The following CCDC92 variants were observed in gnomAD, a reference collection of about 807,000 sequenced individuals.
The protein encoded by CCDC92 is coiled-coil domain containing 92, also known as coiled-coil domain-containing protein 92.
CCDC92 carries 12 observed loss-of-function variants against 24.9 expected under a neutral mutation model. That is an observed-to-expected ratio of 0.48 (90% CI 0.31 to 0.78). CCDC92 has a LOEUF of 0.78. CCDC92 is among the 30% of genes least tolerant of loss of function. The pLI is 0.05. For synonymous variants in CCDC92, 193 were observed against 196.3 expected (o/e 0.98, Z 0.14); for missense variants, 399 against 439.4 (o/e 0.91, Z 0.82).
intron 4 of CCDC92, among the ~76,000 whole-genome samples, chr12:123,941,309 G>A (rs1482353861): frequency 6.6e-6 from 1 of 152,204 alleles, no homozygotes; most frequent in African/African-American, 2.4e-5. Context: ...TCCACAGGGA[G>A]ACTTCTGAGG....
intron 1 of CCDC92, among the ~76,000 whole-genome samples, chr12:123,969,439 C>G (rs1956469859): frequency 1.4e-5 from 2 of 145,206 alleles, no homozygotes; most frequent in South Asian, 4.5e-4. Flanking sequence ...CAAGAATCAT[C>G]TCTTATATCA....
intron 1 of CCDC92, among the ~76,000 whole-genome samples, chr12:123,947,442 G>A (rs1280816707): frequency 6.6e-6 from 1 of 152,218 alleles, no homozygotes; most frequent in Non-Finnish European, 1.5e-5. Context: ...GTGGGGACGT[G>A]GGGAACCTTT....
chr12:123,937,237 T>C lies in CCDC92; in HGVS notation c.817A>G (p.Ser273Gly), dbSNP rs1377746932. 1 of 1,610,564 alleles carries C rather than the reference T, an allele frequency of 6.2e-7. No homozygotes were observed. Among genetic ancestry groups the C allele is most frequent in the Admixed American group, 1.7e-5 (1 of 60,016 alleles). Residue 273 changes from serine to glycine, a missense_variant, in exon 5 of 5, where the codon AGC (serine) becomes GGC (glycine). Physicochemically the swap from Ser to Gly is moderately conservative, Grantham distance 56 (BLOSUM62 0). Transcript: ENST00000238156. The surrounding 1 kb of genome is among the most constrained non-coding windows in gnomAD (Gnocchi z 8.4). ...LVIPPIASDR[S>G]GEQHSPAREK... ...CGGGCCGGGCTGTGCTGCTCGCCGC[T>C]TCGGTCGGAGGCGATGGGGGGGATG...
chr12:123,948,578 T>C (rs1462319295), intron 1 of CCDC92, among the ~76,000 whole-genome samples: 1 of 152,186 alleles, frequency 6.6e-6, no homozygotes, highest in Non-Finnish European at 1.5e-5. Flanking sequence ...GCCCTCACAG[T>C]GGGGGACAAG....
chr12:123,954,621 G>A (rs962146104), intron 1 of CCDC92, among the ~76,000 whole-genome samples: 6 of 152,276 alleles, frequency 3.9e-5, no homozygotes, highest in South Asian at 4.1e-4. Flanking sequence ...ACCATGTCAC[G>A]GGTCTGTACA....
intron 1 of CCDC92, among the ~76,000 whole-genome samples, chr12:123,950,376 T>C (rs111595472): frequency 0.014 from 2,080 of 152,026 alleles, 20 homozygotes; most frequent in Middle Eastern, 0.027. Context: ...ATCCACTGGC[T>C]CTCGAGGGTC....
rs1955572126 is a variant in CCDC92 at position 123,937,909 on chromosome 12, C to T, written c.224-79G>A. The T allele has an allele frequency of 1.4e-6, 2 of 1,442,472 alleles. No individual in the cohort carries two copies. The highest frequency in any genetic ancestry group is 1.4e-5 in the African/African-American group (1 of 70,668). The allele number at this position is 1,442,472 out of a possible 1,614,324, so 89.4% of individuals were successfully genotyped here. A position where few individuals can be genotyped will look rare whatever the true frequency, so the allele number is the denominator to read the frequency against. On this transcript the variant is annotated intron_variant, in intron 4 of 4. Coordinates refer to ENST00000238156, the MANE Select transcript of CCDC92 (RefSeq NM_025140.3). This position sits in a 1 kb window ranked among gnomAD's most constrained non-coding sequence, Gnocchi z 8.4. ...TGGTGAGGCCTATGGGGCAGGCGGACCTGTCTGGTGGGGGCCCTGTCTAGG... is the reference window on the plus strand; with the variant it reads ...TGGTGAGGCCTATGGGGCAGGCGGATCTGTCTGGTGGGGGCCCTGTCTAGG...
intron 4 of CCDC92, among the ~76,000 whole-genome samples, chr12:123,940,117 C>G (rs989461074): frequency 6.6e-6 from 1 of 152,204 alleles, no homozygotes; most frequent in Non-Finnish European, 1.5e-5. Context: ...ACAAGGCTGT[C>G]CCTGGGCTTT....
At chr12:123,942,870 C>T (rs189504969) in intron 3 of CCDC92, 85 bp from the exon 4 acceptor site, 477 of 1,096,786 alleles carry the variant, frequency 4.3e-4, no homozygotes, top group South Asian at 1.7e-3. Context: ...CCGATTCCCA[C>T]GATTAGCCAG....
At chr12:123,943,612 G>A (rs911794929) in intron 2 of CCDC92, 119 bp from the exon 3 acceptor site, 10 of 1,081,890 alleles carry the variant, frequency 9.2e-6, no homozygotes, top group Middle Eastern at 2.9e-4. Flanking sequence ...AGGAAACCAC[G>A]GCTCCTGAAG....
intron 1 of CCDC92, chr12:123,968,432 T>G (rs1156859134): frequency 6.6e-6 from 1 of 152,252 alleles, no homozygotes; most frequent in Non-Finnish European, 1.5e-5. Flanking sequence ...CTTTCTAACT[T>G]GCCTTATTTG....
Position 123,937,561 on chromosome 12 carries a change from C to T in CCDC92, c.493G>A (p.Ala165Thr), listed in dbSNP as rs140945803. 1.3e-5 allele frequency: 21 copies of T among 1,612,594 alleles called. No individual in the cohort carries two copies. The South Asian group carries it at 1.3e-4, about 10-fold the overall frequency. The part of the protein sequence containing the change: ...IAYLTSQLHA[A>T]KKKLMSSSGT... Reference sequence around the variant, plus strand: ...CTGGAGCTCATGAGCTTCTTCTTGGCGGCGTGCAGCTGGGAGGTCAGGTAG... The same window carrying T: ...CTGGAGCTCATGAGCTTCTTCTTGGTGGCGTGCAGCTGGGAGGTCAGGTAG... The change falls in exon 5 of 5, where the codon GCC becomes ACC. Residue 165 changes from alanine (A) to threonine (T), a missense_variant. Coordinates refer to ENST00000238156, the MANE Select transcript of CCDC92 (RefSeq NM_025140.3). This position sits in a 1 kb window ranked among gnomAD's most constrained non-coding sequence, Gnocchi z 8.4.
Position 123,936,780 on chromosome 12 carries a change from G to C in CCDC92, c.*278C>G, listed in dbSNP as rs1955508925. On this transcript the variant is annotated 3_prime_UTR_variant, in exon 5 of 5. Coordinates refer to ENST00000238156, the MANE Select transcript of CCDC92 (RefSeq NM_025140.3). The stretch of plus-strand genomic sequence containing the variant: ...TCAGTAGTGACGCAGCCGTGGCCTG[G>C]GCTTTGCCTGCAGCGCACTTAGGTT... 1 of 562,964 alleles carries C rather than the reference G, an allele frequency of 1.8e-6. No individual in the cohort carries two copies. Among genetic ancestry groups the C allele is most frequent in the East Asian group, 3.0e-5 (1 of 33,116 alleles). The allele number at this position is 562,964 out of a possible 1,614,324, so 34.9% of individuals were successfully genotyped here.
rs201990079 is a variant in CCDC92, at chr12:123,937,073, C to A, written c.981G>T (p.Thr327=). 1 of 1,613,892 alleles carries A rather than the reference C, an allele frequency of 6.2e-7. No individual in the cohort carries two copies. The highest frequency in any genetic ancestry group is 8.5e-7 in the Non-Finnish European group (1 of 1,179,988). The part of the protein sequence containing the change: ...GGKVVRKHSG[T]DRTV ...ACGGCGGGCTTCACACAGTTCTGTC[C>A]GTCCCTGAGTGCTTCCTCACCACCT... Residue 327 remains threonine (T), a synonymous_variant, in exon 5 of 5, where the codon ACG becomes ACT. Coordinates refer to ENST00000238156, the MANE Select transcript of CCDC92 (RefSeq NM_025140.3). The surrounding 1 kb of genome is among the most constrained non-coding windows in gnomAD (Gnocchi z 8.4).
chr12:123,943,717 G>T, intron 2 of CCDC92: 1 of 595,278 alleles, frequency 1.7e-6, no homozygotes, highest in Non-Finnish European at 3.0e-6. Context: ...GCCTTGGGGT[G>T]TGCCCTAGCA....
rs1178079646 is a variant in CCDC92 at position 123,937,887 on chromosome 12, T to C, written c.224-57A>G. ...AACTCATTAGACTGAGGCCGAGTGG[T>C]GAGGCCTATGGGGCAGGCGGACCTG... is the stretch of plus-strand genomic sequence containing the variant. On this transcript the variant is annotated intron_variant, in intron 4 of 4. Transcript: ENST00000238156. This position sits in a 1 kb window ranked among gnomAD's most constrained non-coding sequence, Gnocchi z 8.4. The C allele has an allele frequency of 6.6e-7, 1 of 1,523,970 alleles. No individual in the cohort carries two copies. Among genetic ancestry groups the C allele is most frequent in the East Asian group, 2.2e-5 (1 of 44,488 alleles). The allele number at this position is 1,523,970 out of a possible 1,614,324, so 94.4% of individuals were successfully genotyped here.
chr12:123,943,052 A>G (rs1472137559), intron 3 of CCDC92, among the ~76,000 whole-genome samples: 1 of 152,038 alleles, frequency 6.6e-6, no homozygotes, highest in Admixed American at 6.6e-5. Flanking sequence ...CAAACAATCC[A>G]GCAGCTGGCT....
chr12:123,972,393 C>G (rs547417850), intron 1 of CCDC92, 136 bp downstream of exon 1: 3 of 152,130 alleles, frequency 2.0e-5, no homozygotes, highest in Admixed American at 2.0e-4. Flanking sequence ...CGTCTCCCGG[C>G]GGGGAGGGTT....
At chr12:123,958,456 G>A (rs1956201172) in intron 1 of CCDC92, among the ~76,000 whole-genome samples, 1 of 152,182 alleles carries the variant, frequency 6.6e-6, no homozygotes, top group African/African-American at 2.4e-5. Flanking sequence ...CTTTCCAAAG[G>A]CTGCCACCTC....
Sources: gnomAD v4.1 joint callset for allele counts (sites outside exome capture counted in the v4.1 genomes callset) on GRCh38, gnomAD v4.1.1 for gene constraint, Gnocchi (gnomAD v3.1) non-coding constraint, MANE v1.5 for transcripts, NCBI Gene and HGNC (gene_info 2026-07-23, HGNC 2026-07-21) for gene names.